Variants in NOS1 observed in about 807,000 individuals in gnomAD.
The protein encoded by NOS1 is nitric oxide synthase 1.
In NOS1, 51 loss-of-function variants were observed where a neutral mutation model predicts 164.5. That is an observed-to-expected ratio of 0.31 (90% CI 0.25 to 0.39). NOS1 has a LOEUF of 0.39. Ranked by LOEUF, NOS1 falls within the 10% of genes least tolerant of loss-of-function variation. The pLI is 1.00. For synonymous variants in NOS1, 719 were observed against 745.8 expected, an observed-to-expected ratio of 0.96 and a Z score of 0.59; for missense variants, 1,362 against 1,885.6, an observed-to-expected ratio of 0.72 and a Z score of 5.14.
At chr12:117,250,827 A>G (rs1871042017) in intron 17 of NOS1, among the ~76,000 whole-genome samples, 1 of 152,188 alleles carries the variant, frequency 6.6e-6, no homozygotes, top group Non-Finnish European at 1.5e-5. Flanking sequence ...AGCACTAGTC[A>G]TGCCTTCTGG....
chr12:117,232,737 C>A (rs1232311168), intron 21 of NOS1, among the ~76,000 whole-genome samples: 1 of 152,184 alleles, frequency 6.6e-6, no homozygotes, highest in South Asian at 2.1e-4. Flanking sequence ...TATTGTACCC[C>A]CTCTATACAC....
At chr12:117,315,979 G>A (rs1360276588) in intron 2 of NOS1, among the ~76,000 whole-genome samples, 1 of 152,186 alleles carries the variant, frequency 6.6e-6, no homozygotes, top group African/African-American at 2.4e-5. Context: ...AACTTCCTGT[G>A]ATGATGGAAA....
chr12:117,341,567 T>G (rs1016125809), intron 1 of NOS1, among the ~76,000 whole-genome samples: 2 of 152,124 alleles, frequency 1.3e-5, no homozygotes, highest in Non-Finnish European at 2.9e-5. Flanking sequence ...AATTTCAGAG[T>G]TTGGGGCTAA....
At chr12:117,307,416 A>G (rs1363732618) in intron 3 of NOS1, among the ~76,000 whole-genome samples, 1 of 152,156 alleles carries the variant, frequency 6.6e-6, no homozygotes, top group Non-Finnish European at 1.5e-5. Context: ...GCTGGAGTGC[A>G]GTGGCACTAA....
In NOS1 at chr12:117,331,086, G is replaced by A. The variant is rs1037889647; in HGVS notation, c.-17C>T. On this transcript the variant is annotated 5_prime_UTR_variant, in exon 2 of 29. Transcript: ENST00000317775. ...ATCCTCCATGGTAACTAGCTTCCGA[G>A]GGGTCCTGTCTGAAGACCTCACAAT... 2.5e-6 allele frequency: 4 copies of A among 1,597,324 alleles called. No individual in the cohort carries two copies. Among genetic ancestry groups the A allele is most frequent in the Non-Finnish European group, 3.4e-6 (4 of 1,170,736 alleles).
At chr12:117,225,171 G>A (rs1190243543) in intron 24 of NOS1, 34 bp from the exon 25 acceptor site, 2 of 1,589,342 alleles carry the variant, frequency 1.3e-6, no homozygotes, top group Non-Finnish European at 1.7e-6. Flanking sequence ...AAGTCTTGCA[G>A]AGCTCAAATC....
At chr12:117,347,391 T>C (rs981167977) in intron 1 of NOS1, among the ~76,000 whole-genome samples, 5 of 152,110 alleles carry the variant, frequency 3.3e-5, no homozygotes, top group Admixed American at 6.5e-5. Flanking sequence ...ATGGAAGATA[T>C]GTTTACACTG....
intron 13 of NOS1, among the ~76,000 whole-genome samples, chr12:117,262,145 G>A (rs1358192899): frequency 6.6e-6 from 1 of 152,126 alleles, no homozygotes; most frequent in Admixed American, 6.6e-5. Context: ...GAAACAGAAA[G>A]GAATAAAAGG....
At chr12:117,332,800 G>T (rs893102608) in intron 1 of NOS1, among the ~76,000 whole-genome samples, 1 of 152,202 alleles carries the variant, frequency 6.6e-6, no homozygotes, top group Admixed American at 6.5e-5. Context: ...AGGAGGCGGA[G>T]GTTGCAGTGA....
intron 1 of NOS1, among the ~76,000 whole-genome samples, chr12:117,345,956 C>G (rs933247283): frequency 3.3e-5 from 5 of 152,248 alleles, no homozygotes; most frequent in African/African-American, 4.8e-5. Context: ...AAGTCTACAG[C>G]TATTGAATGA....
chr12:117,323,831 G>T (rs1875102722), intron 2 of NOS1, among the ~76,000 whole-genome samples: 1 of 152,020 alleles, frequency 6.6e-6, no homozygotes, highest in Non-Finnish European at 1.5e-5. Context: ...ACGCAGGCTG[G>T]AGTGCAGTGA....
At position 117,210,303 on chromosome 12, in the gene NOS1, T is replaced by C. The variant is rs1956507937; in HGVS notation, c.*5006A>G. ...TACTTTTTGAGCCAAAGAGGACATTTGGATGCAGGAGACTATGAAGGTTGG... is the reference window on the plus strand; with the variant it reads ...TACTTTTTGAGCCAAAGAGGACATTCGGATGCAGGAGACTATGAAGGTTGG... On this transcript the variant is annotated 3_prime_UTR_variant, in exon 29 of 29. Coordinates refer to ENST00000317775, the MANE Select transcript of NOS1 (RefSeq NM_000620.5). 1.0e-6 allele frequency: 1 copy of C among 985,178 alleles called. No individual in the cohort carries two copies. The highest frequency in any genetic ancestry group is 6.2e-5 in the Admixed American group (1 of 16,214). The allele number at this position is 985,178 out of a possible 1,614,324, so 61.0% of individuals were successfully genotyped here.
intron 2 of NOS1, among the ~76,000 whole-genome samples, chr12:117,321,828 G>A (rs1874939957): frequency 6.6e-6 from 1 of 152,034 alleles, no homozygotes; most frequent in South Asian, 2.1e-4. Flanking sequence ...ATTCTAACTA[G>A]CGTGAGTCCT....
intron 20 of NOS1, among the ~76,000 whole-genome samples, chr12:117,240,494 T>A (rs1353462818): frequency 1.3e-5 from 2 of 152,214 alleles, no homozygotes; most frequent in African/African-American, 4.8e-5. Flanking sequence ...AGCCTTGCAA[T>A]GCTGGTGAGG....
chr12:117,295,707 ATCT>A lies in NOS1; in HGVS notation c.853-5284_853-5282del, dbSNP rs1873368922. Among the ~76,000 whole-genome samples the A allele has an allele frequency of 4.8e-5, 7 of 144,452 alleles. No individual in the cohort carries two copies. In the South Asian group the frequency reaches 1.5e-3, roughly 31 times the overall value. The allele number at this position is 144,452 out of a possible 152,430, so 94.8% of individuals were successfully genotyped here. On this transcript the variant is annotated intron_variant, in intron 3 of 28. Coordinates refer to ENST00000317775, the MANE Select transcript of NOS1 (RefSeq NM_000620.5). ...ATCTTGGCTCACTGCAACCTCCATC[ATCT>A]TCTGGGTTAAGTGATTCTCCTGCCT...
At chr12:117,306,555 GACA>G (rs1874156390) in intron 3 of NOS1, among the ~76,000 whole-genome samples, 1 of 151,396 alleles carries the variant, frequency 6.6e-6, no homozygotes, top group Non-Finnish European at 1.5e-5. Flanking sequence ...GAGCACCAAA[GACA>G]ACCTCAGAGA....
intron 1 of NOS1, among the ~76,000 whole-genome samples, chr12:117,336,723 G>C (rs1875839142): frequency 6.6e-6 from 1 of 152,194 alleles, no homozygotes; most frequent in Admixed American, 6.5e-5. Context: ...GATTATATTT[G>C]AAATTATGCT....
intron 20 of NOS1, among the ~76,000 whole-genome samples, chr12:117,239,658 G>A (rs533524346): frequency 3.3e-5 from 5 of 151,988 alleles, no homozygotes; most frequent in Middle Eastern, 3.4e-3. Flanking sequence ...AGCCTCAGGC[G>A]GGAGAAAAAC....
chr12:117,333,422 G>T lies in NOS1; in HGVS notation c.-420-1933C>A, dbSNP rs575353470. On this transcript the variant is annotated intron_variant, in intron 1 of 28. Transcript: ENST00000317775. Reference sequence around the variant, plus strand: ...CATTTCCCTTTTAGCGACTTCCCAGGGTCACCCCAGGGCTGAGGCAGCTGA... The same window carrying T: ...CATTTCCCTTTTAGCGACTTCCCAGTGTCACCCCAGGGCTGAGGCAGCTGA... Among the ~76,000 whole-genome samples the T allele has an allele frequency of 2.6e-5, 4 of 152,206 alleles. No homozygotes were observed. The South Asian group carries it at 8.3e-4, about 32-fold the overall frequency.
Sources: allele counts gnomAD v4.1 joint callset (sites outside exome capture counted in the v4.1 genomes callset), GRCh38; gene constraint gnomAD v4.1.1; transcripts MANE v1.5; gene names NCBI Gene and HGNC (gene_info 2026-07-23, HGNC 2026-07-21).